The following PLXNA2 variants were observed in gnomAD, a reference collection of about 807,000 sequenced individuals.
The protein encoded by PLXNA2 is plexin-A2.
In PLXNA2, 91 loss-of-function variants were observed where a neutral mutation model predicts 193.5. That is an observed-to-expected ratio of 0.47 (90% confidence interval 0.40 to 0.56). PLXNA2 has a LOEUF of 0.56. Among genes scored for constraint, PLXNA2 ranks in the 20% least tolerant of loss-of-function variants. The pLI is 0.00. For synonymous variants in PLXNA2, 997 were observed against 1,027.3 expected (o/e 0.97, Z 0.56); for missense variants, 1,995 against 2,503.2 (o/e 0.80, Z 4.33).
chr1:208,042,451 C>T lies in PLXNA2; in HGVS notation c.4018-85G>A, dbSNP rs577242794. The T allele has an allele frequency of 2.3e-4, 333 of 1,445,576 alleles. 4 individuals carry two copies. The East Asian group carries it at 6.9e-3, about 30-fold the overall frequency. 89.5% of individuals were successfully genotyped at this position (1,445,576 alleles called of 1,614,324 possible). On this transcript the variant is annotated intron_variant, in intron 21 of 31. Transcript: ENST00000367033. The stretch of plus-strand genomic sequence containing the variant: ...GAGGGTCTCACTGAGGGCCTGCTGG[C>T]GATGACACTAGCTGTAGGACCCTAT...
intron 5 of PLXNA2, among the ~76,000 whole-genome samples, chr1:208,102,755 C>A (rs1184297089): frequency 6.6e-6 from 1 of 152,202 alleles, no homozygotes; most frequent in African/African-American, 2.4e-5. Flanking sequence ...TCTAAACCTC[C>A]CAATGCCAGT....
At chr1:208,206,565 C>T (rs558435323) in intron 3 of PLXNA2, among the ~76,000 whole-genome samples, 1 of 152,274 alleles carries the variant, frequency 6.6e-6, no homozygotes, top group Non-Finnish European at 1.5e-5. Context: ...TCTCCCCCAA[C>T]TCATCAGTTC....
intron 4 of PLXNA2, 29 bp from the exon 5 acceptor site, chr1:208,103,276 G>A (rs1248191229): frequency 6.4e-7 from 1 of 1,562,282 alleles, no homozygotes; most frequent in East Asian, 2.2e-5. Context: ...AGGGTACAGT[G>A]AGGTTAGGCT....
At chr1:208,143,261 C>A (rs764836671) in intron 3 of PLXNA2, among the ~76,000 whole-genome samples, 18 of 152,168 alleles carry the variant, frequency 1.2e-4, no homozygotes, top group Non-Finnish European at 1.9e-4. Flanking sequence ...TAGCCAGGGT[C>A]GAGGAGCAGC....
chr1:208,075,491 T>C (rs1297240124), intron 12 of PLXNA2, among the ~76,000 whole-genome samples: 1 of 152,186 alleles, frequency 6.6e-6, no homozygotes, highest in African/African-American at 2.4e-5. Flanking sequence ...TTGGTTTAGG[T>C]GAGGTCTACC....
rs552014427 is a variant in PLXNA2 at position 208,026,247 on chromosome 1, G to T, written c.*996C>A. 1 of 152,364 alleles carries T rather than the reference G, an allele frequency of 6.6e-6. No individual in the cohort carries two copies. Among genetic ancestry groups the T allele is most frequent in the African/African-American group, 2.4e-5 (1 of 41,552 alleles). The allele number at this position is 152,364 out of a possible 1,614,324, so 9.4% of individuals were successfully genotyped here. A position where few individuals can be genotyped will look rare whatever the true frequency, so the allele number is the denominator to read the frequency against. ...CCCAGGGTGCCTGGTTTATGACAGG[G>T]ATTGATATGAGGCAGGGCTGCCAGG... On this transcript the variant is annotated 3_prime_UTR_variant, in exon 32 of 32. Transcript: ENST00000367033.
Position 208,217,542 on chromosome 1 carries a change from C to G in PLXNA2, c.381G>C (p.Leu127=), listed in dbSNP as rs1671175679. 10 of 1,614,088 alleles carry G rather than the reference C, an allele frequency of 6.2e-6. No homozygotes were observed. The highest frequency in any genetic ancestry group is 8.5e-6 in the Non-Finnish European group (10 of 1,180,048). The stretch of plus-strand genomic sequence containing the variant: ...CCCCCTGGTAGAGGCTCCCACAGGC[C>G]AGCAGGCGGTTCTCAGAGTAGTCAA... ...LIIDYSENRL[L]ACGSLYQGVC... The change falls in exon 2 of 32, where the codon CTG becomes CTC. Residue 127 remains leucine, a synonymous_variant. Transcript: ENST00000367033. The surrounding 1 kb of genome is among the most constrained non-coding windows in gnomAD (Gnocchi z 4.7).
At chr1:208,096,671 C>A in intron 7 of PLXNA2, 59 bp downstream of exon 7, 1 of 1,586,112 alleles carries the variant, frequency 6.3e-7, no homozygotes, top group South Asian at 1.1e-5. Flanking sequence ...TTGTGACCCC[C>A]AGCTCCCTCA....
intron 3 of PLXNA2, among the ~76,000 whole-genome samples, chr1:208,147,553 G>A (rs760379587): frequency 3.9e-5 from 6 of 152,206 alleles, no homozygotes; most frequent in Non-Finnish European, 8.8e-5. Context: ...ACAGTGCTAC[G>A]TGCTGTCACA....
chr1:208,177,007 C>T (rs1219038024), intron 3 of PLXNA2, among the ~76,000 whole-genome samples: 1 of 128,360 alleles, frequency 7.8e-6, no homozygotes, highest in Non-Finnish European at 1.8e-5. Flanking sequence ...TCTTTCACAG[C>T]TCAAAACTCC....
chr1:208,080,412 T>C (rs1666296450), intron 11 of PLXNA2, among the ~76,000 whole-genome samples: 2 of 152,176 alleles, frequency 1.3e-5, no homozygotes, highest in African/African-American at 2.4e-5. Flanking sequence ...TGGTCTTAGC[T>C]CCTTGCCTGC....
At position 208,082,081 on chromosome 1, in the gene PLXNA2, A is replaced by G. The variant is rs1008334677; in HGVS notation, c.2395+331T>C. On this transcript the variant is annotated intron_variant, in intron 11 of 31. Transcript: ENST00000367033. The surrounding 1 kb of genome is among the most constrained non-coding windows in gnomAD (Gnocchi z 4.2). Reference sequence around the variant, plus strand: ...GGGAACAAGAGCCTGACTGGAAACAATATCTCCATTTCCAGGGAAACTAGC... The same window carrying G: ...GGGAACAAGAGCCTGACTGGAAACAGTATCTCCATTTCCAGGGAAACTAGC... 6.6e-6 allele frequency among the ~76,000 whole-genome samples: 1 copy of G among 152,168 alleles called. No homozygotes were observed. Among genetic ancestry groups the G allele is most frequent in the East Asian group, 1.9e-4 (1 of 5,188 alleles).
intron 4 of PLXNA2, among the ~76,000 whole-genome samples, chr1:208,131,666 A>G (rs941051738): frequency 2.0e-5 from 3 of 152,158 alleles, no homozygotes; most frequent in African/African-American, 7.2e-5. Context: ...CATGGTTCAC[A>G]CTTGAAACAG....
At chr1:208,029,199 A>C (rs963200998) in intron 29 of PLXNA2, 157 bp from the exon 30 acceptor site, 1 of 1,442,158 alleles carries the variant, frequency 6.9e-7, no homozygotes, top group African/African-American at 1.4e-5. Flanking sequence ...AATTTAGCCA[A>C]AGCTGTTACT....
chr1:208,179,312 G>A (rs1239566027), intron 3 of PLXNA2, among the ~76,000 whole-genome samples: 1 of 152,198 alleles, frequency 6.6e-6, no homozygotes. Flanking sequence ...TCCCGTCCTC[G>A]GTCAAGGGGT....
rs746702792 is a variant in PLXNA2, at chr1:208,060,727, C to T, written c.2697G>A (p.Val899=). 5.0e-6 allele frequency: 8 copies of T among 1,614,032 alleles called. No individual in the cohort carries two copies. In the South Asian group the frequency reaches 7.7e-5, roughly 16 times the overall value. Residue 899 remains valine (V), a synonymous_variant, in exon 13 of 32, where the codon GTG becomes GTA. Transcript: ENST00000367033. ...ATTCCCCTGGGAGGGGCGTGCAGGGCACCCCAGCCACCTGCACATGGTGGG... is the reference window on the plus strand; with the variant it reads ...ATTCCCCTGGGAGGGGCGTGCAGGGTACCCCAGCCACCTGCACATGGTGGG... ...EIAHHVQVAG[V]PCTPLPGEYI...
At chr1:208,054,816 T>G (rs1248781472) in intron 13 of PLXNA2, among the ~76,000 whole-genome samples, 2 of 152,218 alleles carry the variant, frequency 1.3e-5, no homozygotes, top group Non-Finnish European at 2.9e-5. Context: ...GCCATTTCTG[T>G]GGTTCCCCAT....
intron 3 of PLXNA2, among the ~76,000 whole-genome samples, chr1:208,145,718 T>C (rs187726659): frequency 1.3e-5 from 2 of 152,300 alleles, no homozygotes; most frequent in Non-Finnish European, 2.9e-5. Context: ...ATCCCAACCA[T>C]TAATATTTTA....
intron 4 of PLXNA2, among the ~76,000 whole-genome samples, chr1:208,133,431 A>G (rs903076206): frequency 6.6e-6 from 1 of 152,242 alleles, no homozygotes; most frequent in African/African-American, 2.4e-5. Context: ...GCAAAAAGAA[A>G]TCAAGAAGGT....
Sources: allele counts gnomAD v4.1 joint callset (sites outside exome capture counted in the v4.1 genomes callset), GRCh38; gene constraint gnomAD v4.1.1; non-coding constraint Gnocchi (gnomAD v3.1); transcripts MANE v1.5; gene names NCBI Gene and HGNC (gene_info 2026-07-23, HGNC 2026-07-21).